RERE: variants seen among roughly 807,000 people sequenced by gnomAD.
RERE encodes the protein arginine-glutamic acid dipeptide repeats.
A neutral mutation model predicts 146.1 loss-of-function variants in RERE; 40 were observed. The observed-to-expected ratio is 0.27, with a 90% CI of 0.21 to 0.36. The LOEUF (loss-of-function observed/expected upper bound fraction) is 0.36, where lower values mean the gene tolerates loss of function less well. RERE is among the 10% of genes least tolerant of loss of function. The pLI is 1.00. For missense variants in RERE, 1,933 were observed against 2,138.7 expected, an observed-to-expected ratio of 0.90 and a Z score of 1.90; for synonymous variants, 1,003 against 866.0, an observed-to-expected ratio of 1.16 and a Z score of -2.78.
chr1:8,720,284 C>T (rs1639837448), intron 1 of RERE, among the ~76,000 whole-genome samples: 2 of 143,778 alleles, frequency 1.4e-5, no homozygotes, highest in African/African-American at 5.1e-5. Flanking sequence ...AAAAAAAAAA[C>T]AGCACAAGCA....
intron 6 of RERE, among the ~76,000 whole-genome samples, chr1:8,553,767 A>G (rs1223921779): frequency 6.6e-6 from 1 of 152,252 alleles, no homozygotes; most frequent in Non-Finnish European, 1.5e-5. Context: ...CAGTGAAAGG[A>G]CAGTGACTTA....
chr1:8,791,809 A>G (rs1410880537), intron 1 of RERE, among the ~76,000 whole-genome samples: 1 of 151,706 alleles, frequency 6.6e-6, no homozygotes, highest in African/African-American at 2.4e-5. Flanking sequence ...TCAAACCTAT[A>G]ACTCTTTAAG....
chr1:8,435,379 G>C lies in RERE; in HGVS notation c.1204-12572C>G, dbSNP rs76776398. 8.9e-3 allele frequency among the ~76,000 whole-genome samples: 1,350 copies of C among 152,328 alleles called. 19 individuals carry two copies. The highest frequency in any genetic ancestry group is 0.031 in the African/African-American group (1,289 of 41,566). On this transcript the variant is annotated intron_variant, in intron 11 of 22. Coordinates refer to ENST00000400908, the MANE Select transcript of RERE (RefSeq NM_001042681.2). Reference sequence around the variant, plus strand: ...CTTGACAACCACTGGTTCAGTACAAGAATGTATCTGGAGATGATTGGGCTT... The same window carrying C: ...CTTGACAACCACTGGTTCAGTACAACAATGTATCTGGAGATGATTGGGCTT...
chr1:8,749,610 AGTTT>A (rs1417322401), intron 1 of RERE, among the ~76,000 whole-genome samples: 1 of 152,228 alleles, frequency 6.6e-6, no homozygotes, highest in Non-Finnish European at 1.5e-5. Context: ...GGTAAGAGTT[AGTTT>A]GTTAGTTCCT....
At chr1:8,758,948 T>G (rs940521441) in intron 1 of RERE, among the ~76,000 whole-genome samples, 2 of 152,076 alleles carry the variant, frequency 1.3e-5, no homozygotes, top group Non-Finnish European at 2.9e-5. Flanking sequence ...ACAATAAATG[T>G]GTACAATTTT....
intron 10 of RERE, among the ~76,000 whole-genome samples, chr1:8,477,553 T>C (rs2124169267): frequency 6.6e-6 from 1 of 152,204 alleles, no homozygotes; most frequent in African/African-American, 2.4e-5. Flanking sequence ...GAGGATGACA[T>C]AAAAACCACA....
intron 1 of RERE, among the ~76,000 whole-genome samples, chr1:8,768,534 T>C (rs1569753461): frequency 6.6e-6 from 1 of 152,192 alleles, no homozygotes; most frequent in Admixed American, 6.5e-5. Flanking sequence ...CACTGAACAC[T>C]TGAAATGCAG....
intron 1 of RERE, among the ~76,000 whole-genome samples, chr1:8,725,955 A>G (rs889376027): frequency 1.4e-5 from 2 of 141,310 alleles, no homozygotes; most frequent in Non-Finnish European, 3.1e-5. Context: ...AAAAGTCAAA[A>G]TAAGTCAAAC....
At chr1:8,403,145 T>C (rs1643320951) in intron 12 of RERE, among the ~76,000 whole-genome samples, 2 of 151,916 alleles carry the variant, frequency 1.3e-5, no homozygotes, top group African/African-American at 2.4e-5. Flanking sequence ...GATCTGCCCA[T>C]CTCGGCCTCC....
intron 1 of RERE, among the ~76,000 whole-genome samples, chr1:8,701,301 C>A (rs1281970290): frequency 1.2e-5 from 1 of 84,132 alleles, no homozygotes; most frequent in Non-Finnish European, 2.2e-5. Context: ...CACACACACA[C>A]ACACACACAC....
At chr1:8,501,191 C>A (rs868840216) in intron 8 of RERE, among the ~76,000 whole-genome samples, 72 of 147,952 alleles carry the variant, frequency 4.9e-4, no homozygotes, top group Middle Eastern at 3.6e-3. Flanking sequence ...CCAGCCGCCC[C>A]GTCCGGGAGG....
intron 1 of RERE, among the ~76,000 whole-genome samples, chr1:8,798,160 C>T (rs1414071037): frequency 6.6e-6 from 1 of 151,998 alleles, no homozygotes; most frequent in Non-Finnish European, 1.5e-5. Flanking sequence ...TTTGGGAGGC[C>T]GAGACAGGTG....
chr1:8,598,837 C>A (rs898838728), intron 4 of RERE, among the ~76,000 whole-genome samples: 1 of 152,242 alleles, frequency 6.6e-6, no homozygotes, highest in Non-Finnish European at 1.5e-5. Flanking sequence ...TGCCCATACT[C>A]TTCCTGAGGC....
chr1:8,412,140 C>T (rs960048738), intron 12 of RERE, among the ~76,000 whole-genome samples: 1 of 152,108 alleles, frequency 6.6e-6, no homozygotes, highest in African/African-American at 2.4e-5. Flanking sequence ...ATCAAACACA[C>T]AAAAGTTACT....
At chr1:8,605,759 A>AAC (rs1557429985) in intron 4 of RERE, among the ~76,000 whole-genome samples, 1 of 149,656 alleles carries the variant, frequency 6.7e-6, no homozygotes, top group Non-Finnish European at 1.5e-5. Context: ...AAAAAAAAAA[A>AAC]AAAAAAAAAA....
chr1:8,588,494 G>A (rs1464160936), intron 4 of RERE, among the ~76,000 whole-genome samples: 1 of 151,984 alleles, frequency 6.6e-6, no homozygotes, highest in African/African-American at 2.4e-5. Context: ...TCTGGCCTAG[G>A]GCATCCCACT....
chr1:8,504,456 G>A (rs1343348744), intron 8 of RERE, among the ~76,000 whole-genome samples: 1 of 152,166 alleles, frequency 6.6e-6, no homozygotes, highest in Non-Finnish European at 1.5e-5. Context: ...GGTAACCATG[G>A]AAAGATAAGG....
intron 11 of RERE, among the ~76,000 whole-genome samples, chr1:8,454,438 A>G (rs1014146934): frequency 3.9e-5 from 6 of 152,210 alleles, no homozygotes; most frequent in Admixed American, 3.3e-4. Flanking sequence ...CCTGTCAAAC[A>G]CAGCTGCCAG....
intron 11 of RERE, among the ~76,000 whole-genome samples, chr1:8,445,304 CGTAT>C (rs1644302990): frequency 6.6e-6 from 1 of 152,156 alleles, no homozygotes; most frequent in Non-Finnish European, 1.5e-5. Flanking sequence ...AAGATCTTGC[CGTAT>C]GTAACTGCTG....
Sources: gnomAD v4.1 joint callset for allele counts (sites outside exome capture counted in the v4.1 genomes callset) on GRCh38, gnomAD v4.1.1 for gene constraint, MANE v1.5 for transcripts, NCBI Gene and HGNC (gene_info 2026-07-23, HGNC 2026-07-21) for gene names.